The following PGM5 variants were observed in gnomAD, a reference collection of about 807,000 sequenced individuals.
PGM5 encodes the protein phosphoglucomutase-like protein 5.
In PGM5, 23 loss-of-function variants were observed where a neutral mutation model predicts 59.2. That is an observed-to-expected ratio of 0.39 (90% CI 0.28 to 0.55). PGM5 has a LOEUF of 0.55. PGM5 is among the 20% of genes least tolerant of loss of function. The pLI is 0.66. For missense variants in PGM5, 574 were observed against 748.3 expected, an observed-to-expected ratio of 0.77 and a Z score of 2.72; for synonymous variants, 214 against 286.0, an observed-to-expected ratio of 0.75 and a Z score of 2.54.
chr9:68,362,269 G>A (rs142532288), intron 1 of PGM5, among the ~76,000 whole-genome samples: 1 of 152,170 alleles, frequency 6.6e-6, no homozygotes, highest in East Asian at 1.9e-4. Context: ...GTGAAGATTT[G>A]GTGAGTTAAC....
At chr9:68,368,523 C>G (rs1834724104) in intron 1 of PGM5, among the ~76,000 whole-genome samples, 2 of 152,146 alleles carry the variant, frequency 1.3e-5, no homozygotes, top group South Asian at 4.1e-4. Context: ...ACTTCAGCAG[C>G]TTCTTAGTGA....
chr9:68,516,405 G>A (rs1437877490), intron 10 of PGM5, among the ~76,000 whole-genome samples: 1 of 152,130 alleles, frequency 6.6e-6, no homozygotes, highest in Admixed American at 6.5e-5. Flanking sequence ...CTTTCCCAAG[G>A]GCTAGCCCTT....
chr9:68,478,866 A>G lies in PGM5; in HGVS notation c.1160-552A>G, dbSNP rs75972831. 2.5e-3 allele frequency among the ~76,000 whole-genome samples: 375 copies of G among 152,352 alleles called. 2 individuals are homozygous for G. The highest frequency in any genetic ancestry group is 8.1e-3 in the African/African-American group (338 of 41,590). On this transcript the variant is annotated intron_variant, in intron 7 of 10. Coordinates refer to ENST00000396396, the MANE Select transcript of PGM5 (RefSeq NM_021965.4). ...TCACATTCACAGGTTCCAGGTGGAC[A>G]TATCTGTTGGGTCGGGGAACCACCA... is the stretch of plus-strand genomic sequence containing the variant.
chr9:68,430,958 G>T (rs1587807509), intron 6 of PGM5, among the ~76,000 whole-genome samples: 2 of 152,138 alleles, frequency 1.3e-5, no homozygotes, highest in East Asian at 3.9e-4. Flanking sequence ...TTGTGCCTTG[G>T]TCTCTTTAAA....
chr9:68,378,986 G>A lies in PGM5; in HGVS notation c.424+625G>A, dbSNP rs574166880. ...ACCCATTATCTTGTTTTTCTATTTT[G>A]CTTATCTTTTTTTCTGAAGAATTTT... On this transcript the variant is annotated intron_variant, in intron 2 of 10. Transcript: ENST00000396396. 3.9e-5 allele frequency among the ~76,000 whole-genome samples: 6 copies of A among 152,158 alleles called. No homozygotes were observed. The South Asian group carries it at 1.2e-3, about 32-fold the overall frequency.
chr9:68,480,073 C>T (rs1278610392), intron 8 of PGM5, among the ~76,000 whole-genome samples: 1 of 152,188 alleles, frequency 6.6e-6, no homozygotes, highest in Non-Finnish European at 1.5e-5. Context: ...TGACATCACT[C>T]TTTAATCTTT....
chr9:68,517,983 G>A (rs539187549), intron 10 of PGM5, among the ~76,000 whole-genome samples: 1 of 152,336 alleles, frequency 6.6e-6, no homozygotes, highest in South Asian at 2.1e-4. Flanking sequence ...TTTGATGACT[G>A]GCACAGGGTA....
chr9:68,361,759 G>A (rs529413946), intron 1 of PGM5, among the ~76,000 whole-genome samples: 1 of 152,228 alleles, frequency 6.6e-6, no homozygotes, highest in African/African-American at 2.4e-5. Flanking sequence ...GGGTTAGGAT[G>A]TCAACATATT....
intron 6 of PGM5, among the ~76,000 whole-genome samples, chr9:68,430,628 C>T (rs1554682950): frequency 1.3e-5 from 2 of 152,162 alleles, no homozygotes; most frequent in Non-Finnish European, 2.9e-5. Context: ...CTCTGGATAC[C>T]GTTTCTGATT....
Position 68,529,840 on chromosome 9 carries a change from T to C in PGM5, c.*184T>C. The C allele has an allele frequency of 3.9e-6, 2 of 516,734 alleles. No homozygotes were observed. The highest frequency in any genetic ancestry group is 7.1e-5 in the East Asian group (2 of 28,284). 32.0% of individuals were successfully genotyped at this position (516,734 alleles called of 1,614,324 possible). A position where few individuals can be genotyped will look rare whatever the true frequency, so the allele number is the denominator to read the frequency against. ...CCATTTGGTTTTGGTTTTGTCCTAT[T>C]CCTCCAAATGCAGCAGGGCCTTTAG... On this transcript the variant is annotated 3_prime_UTR_variant, in exon 11 of 11. Coordinates refer to ENST00000396396, the MANE Select transcript of PGM5 (RefSeq NM_021965.4).
intron 6 of PGM5, among the ~76,000 whole-genome samples, chr9:68,420,930 G>T (rs1482354340): frequency 3.9e-5 from 6 of 152,202 alleles, no homozygotes; most frequent in African/African-American, 1.4e-4. Context: ...TTGGGTCAGT[G>T]AAGTGTTATA....
rs569608017 is a variant in PGM5 at position 68,371,134 on chromosome 9, C to A, written c.262-7065C>A. Among the ~76,000 whole-genome samples, 29 of 152,278 alleles carry A rather than the reference C, an allele frequency of 1.9e-4. No individual in the cohort carries two copies. The South Asian group carries it at 5.4e-3, about 28-fold the overall frequency. ...AGTTGAAGGAAATGCCCCTTAATGG[C>A]AGTAGCATCCACTTGGGTGTGTGCA... On this transcript the variant is annotated intron_variant, in intron 1 of 10. Transcript: ENST00000396396.
At chr9:68,483,282 T>C (rs1554687273) in intron 8 of PGM5, among the ~76,000 whole-genome samples, 1 of 152,156 alleles carries the variant, frequency 6.6e-6, no homozygotes, top group African/African-American at 2.4e-5. Context: ...TGAAGGGTGA[T>C]GAGAGAAGAA....
At chr9:68,397,575 C>T (rs1308008536) in intron 6 of PGM5, 1 of 152,208 alleles carries the variant, frequency 6.6e-6, no homozygotes, top group Non-Finnish European at 1.5e-5. Context: ...ACCATTTATC[C>T]ACTCAAGAAA....
intron 9 of PGM5, chr9:68,497,306 T>C (rs1554688232): frequency 6.6e-6 from 1 of 152,192 alleles, no homozygotes; most frequent in East Asian, 1.9e-4. Context: ...CAGTGCCTAA[T>C]CCATAAGGGC....
intron 6 of PGM5, among the ~76,000 whole-genome samples, chr9:68,453,135 T>C (rs1823723137): frequency 6.6e-6 from 1 of 152,232 alleles, no homozygotes; most frequent in South Asian, 2.1e-4. Flanking sequence ...TGTGAAGTTT[T>C]ACAATGAAAT....
At chr9:68,501,093 T>C (rs1448527998) in intron 10 of PGM5, among the ~76,000 whole-genome samples, 6 of 152,150 alleles carry the variant, frequency 3.9e-5, no homozygotes, top group Non-Finnish European at 5.9e-5. Flanking sequence ...TCTCATCCTG[T>C]TGGTGGAAAG....
In PGM5 at chr9:68,465,180, T is replaced by C. The variant is rs782018486; in HGVS notation, c.1131T>C (p.Asn377=). The change falls in exon 7 of 11, where the codon AAT becomes AAC. Residue 377 remains asparagine (N), a synonymous_variant. Coordinates refer to ENST00000396396, the MANE Select transcript of PGM5 (RefSeq NM_021965.4). The part of the protein sequence containing the change: ...FSNLMDSGRC[N]LCGEESFGTG... ...ATCTGATGGACTCAGGACGTTGCAA[T>C]CTGTGTGGGGAAGAGAGCTTTGGCA... 4.3e-6 allele frequency: 7 copies of C among 1,612,880 alleles called. No individual in the cohort carries two copies. Among genetic ancestry groups the C allele is most frequent in the Non-Finnish European group, 8.5e-7 (1 of 1,179,064 alleles).
intron 7 of PGM5, among the ~76,000 whole-genome samples, chr9:68,470,306 AGTCATTTTGT>A (rs1554686142): frequency 6.6e-6 from 1 of 152,188 alleles, no homozygotes; most frequent in African/African-American, 2.4e-5. Flanking sequence ...ACTTTAGCAT[AGTCATTTTGT>A]GCTCTGTTGT....
Sources: allele counts gnomAD v4.1 joint callset (sites outside exome capture counted in the v4.1 genomes callset), GRCh38; gene constraint gnomAD v4.1.1; transcripts MANE v1.5; gene names NCBI Gene and HGNC (gene_info 2026-07-23, HGNC 2026-07-21).